Variants in NRSN1 observed in about 807,000 individuals in gnomAD.
The protein encoded by NRSN1 is neurensin 1.
Under a neutral mutation model 17.3 loss-of-function variants are expected in NRSN1, and 14 were observed. The observed-to-expected ratio is 0.81, with a 90% CI of 0.54 to 1.27. NRSN1 has a LOEUF of 1.27. Among genes scored for constraint, NRSN1 ranks in the 50% most tolerant of loss-of-function variants. The pLI is 0.00. For missense variants in NRSN1, 209 were observed against 235.9 expected (o/e 0.89, Z 0.75); for synonymous variants, 79 against 94.2 (o/e 0.84, Z 0.93).
At chr6:24,133,879 C>G (rs370532480) in intron 2 of NRSN1, among the ~76,000 whole-genome samples, 6 of 152,136 alleles carry the variant, frequency 3.9e-5, no homozygotes, top group Non-Finnish European at 8.8e-5. Flanking sequence ...CTCTGTCACC[C>G]AGGCTGGAGT....
intron 3 of NRSN1, among the ~76,000 whole-genome samples, chr6:24,136,051 C>T (rs1760115170): frequency 6.6e-6 from 1 of 152,220 alleles, no homozygotes. Context: ...CCTCAGACTA[C>T]ATGAGCTCAA....
intron 3 of NRSN1, among the ~76,000 whole-genome samples, chr6:24,143,802 G>T (rs981797478): frequency 1.1e-4 from 16 of 152,154 alleles, no homozygotes; most frequent in African/African-American, 3.9e-4. Flanking sequence ...GTATAACTTT[G>T]CCAGATACAA....
At chr6:24,144,336 T>C (rs774917223) in intron 3 of NRSN1, among the ~76,000 whole-genome samples, 4 of 152,206 alleles carry the variant, frequency 2.6e-5, no homozygotes, top group Non-Finnish European at 5.9e-5. Context: ...AGACTGTCCA[T>C]GTCCTCCAGC....
At chr6:24,137,355 A>T (rs1199517511) in intron 3 of NRSN1, among the ~76,000 whole-genome samples, 1 of 152,200 alleles carries the variant, frequency 6.6e-6, no homozygotes, top group East Asian at 1.9e-4. Flanking sequence ...TCCAACATTC[A>T]CCAGGCTCTG....
chr6:24,130,535 G>C (rs945963273), intron 2 of NRSN1, among the ~76,000 whole-genome samples: 9 of 152,054 alleles, frequency 5.9e-5, no homozygotes, highest in Non-Finnish European at 1.5e-5. Flanking sequence ...TTCTTCTCTA[G>C]GAGTGAATTC....
Position 24,146,449 on chromosome 6 carries a change from TTGACA to T in NRSN1, c.*507_*511del. On this transcript the variant is annotated 3_prime_UTR_variant, in exon 4 of 4. Coordinates refer to ENST00000378491, the MANE Select transcript of NRSN1 (RefSeq NM_080723.5). ...CGAACATGAGTTTTTAGACTGTATCTTGACATGAGGTTCCTGACATTGGATACAAA... is the reference window on the plus strand; with the variant it reads ...CGAACATGAGTTTTTAGACTGTATCTTGAGGTTCCTGACATTGGATACAAA... 2.8e-6 allele frequency: 1 copy of T among 358,640 alleles called. No individual in the cohort carries two copies. Among genetic ancestry groups the T allele is most frequent in the Non-Finnish European group, 5.6e-6 (1 of 179,110 alleles). The allele number at this position is 358,640 out of a possible 1,614,324, so 22.2% of individuals were successfully genotyped here.
intron 3 of NRSN1, among the ~76,000 whole-genome samples, chr6:24,143,006 C>T (rs1003729134): frequency 6.6e-6 from 1 of 152,168 alleles, no homozygotes; most frequent in Admixed American, 6.5e-5. Flanking sequence ...CTTAGCTAGA[C>T]ACAGAGCGCT....
intron 3 of NRSN1, among the ~76,000 whole-genome samples, chr6:24,135,835 A>G (rs182751108): frequency 2.5e-4 from 38 of 152,350 alleles, no homozygotes; most frequent in East Asian, 1.5e-3. Context: ...GGGACATTCC[A>G]ACATTTAGAA....
chr6:24,134,317 A>T lies in NRSN1; in HGVS notation c.-9-2A>T. 1 of 1,612,732 alleles carries T rather than the reference A, an allele frequency of 6.2e-7. No homozygotes were observed. The highest frequency in any genetic ancestry group is 1.1e-5 in the South Asian group (1 of 90,878). On this transcript the variant is annotated splice_acceptor_variant, in intron 2 of 3. Transcript: ENST00000378491. LOFTEE classifies it low-confidence loss of function (5UTR_SPLICE). Reference sequence around the variant, plus strand: ...TAATCCATGTGGATGTTGTCATTCCAGCTGGGAAGGATGAGTTCTTGCAGC... The same window carrying T: ...TAATCCATGTGGATGTTGTCATTCCTGCTGGGAAGGATGAGTTCTTGCAGC...
chr6:24,134,618 T>C (rs1443867588), intron 3 of NRSN1, 102 bp downstream of exon 3: 4 of 904,922 alleles, frequency 4.4e-6, no homozygotes, highest in Non-Finnish European at 6.8e-6. Flanking sequence ...TCGCTGTGTG[T>C]GCATCACTCT....
intron 3 of NRSN1, among the ~76,000 whole-genome samples, chr6:24,139,706 T>C (rs762812290): frequency 1.3e-5 from 2 of 152,208 alleles, no homozygotes; most frequent in Non-Finnish European, 2.9e-5. Flanking sequence ...GTTGAAACTG[T>C]AGCTTCCAAT....
chr6:24,132,202 A>T (rs1055616803), intron 2 of NRSN1, among the ~76,000 whole-genome samples: 1 of 152,238 alleles, frequency 6.6e-6, no homozygotes, highest in African/African-American at 2.4e-5. Context: ...CTAAGGGCAC[A>T]TATTTAAAGA....
intron 2 of NRSN1, among the ~76,000 whole-genome samples, chr6:24,131,377 T>C (rs1760025088): frequency 6.6e-6 from 1 of 152,178 alleles, no homozygotes. Context: ...GAAACATAAC[T>C]CTTACTGTTG....
intron 3 of NRSN1, among the ~76,000 whole-genome samples, chr6:24,135,806 T>C (rs1760110694): frequency 6.6e-6 from 1 of 152,064 alleles, no homozygotes; most frequent in Non-Finnish European, 1.5e-5. Context: ...AGTGTGGACA[T>C]AGAAGAGAAG....
chr6:24,138,654 G>C (rs1257675830), intron 3 of NRSN1, among the ~76,000 whole-genome samples: 1 of 152,178 alleles, frequency 6.6e-6, no homozygotes, highest in African/African-American at 2.4e-5. Context: ...AACTGTGAAA[G>C]TGACTCCGGT....
chr6:24,141,238 G>C (rs1415292322), intron 3 of NRSN1: 3 of 1,266,218 alleles, frequency 2.4e-6, no homozygotes, highest in Non-Finnish European at 3.0e-6. Context: ...TGTTAGACCT[G>C]GGACCAATTC....
At chr6:24,141,844 A>T (rs1192537733) in intron 3 of NRSN1, among the ~76,000 whole-genome samples, 1 of 152,148 alleles carries the variant, frequency 6.6e-6, no homozygotes, top group African/African-American at 2.4e-5. Flanking sequence ...CTGGAATAAG[A>T]GCTGTGGGGA....
rs747460455 is a variant in NRSN1 at position 24,134,435 on chromosome 6, C to A, written c.108C>A (p.Asp36Glu). Residue 36 changes from aspartate to glutamate, a missense_variant, in exon 3 of 4, where the codon GAC becomes GAA. By Grantham distance (45) the Asp-to-Glu change is conservative. Transcript: ENST00000378491. The part of the protein sequence containing the change: ...VRSYLHQFYE[D>E]CTASIWEYED... ...CCTACCTGCACCAGTTTTATGAGGACTGTACAGCCTCAATTTGGGAGTATG... is the reference window on the plus strand; with the variant it reads ...CCTACCTGCACCAGTTTTATGAGGAATGTACAGCCTCAATTTGGGAGTATG... 6.8e-6 allele frequency: 11 copies of A among 1,614,094 alleles called. No individual in the cohort carries two copies. Among genetic ancestry groups the A allele is most frequent in the Non-Finnish European group, 5.9e-6 (7 of 1,179,964 alleles).
rs1462562113 is a variant in NRSN1, at chr6:24,146,457, A to G, written c.*511A>G. The G allele has an allele frequency of 2.8e-6, 1 of 354,306 alleles. No homozygotes were observed. The highest frequency in any genetic ancestry group is 3.9e-5 in the Admixed American group (1 of 25,818). The allele number at this position is 354,306 out of a possible 1,614,324, so 21.9% of individuals were successfully genotyped here. On this transcript the variant is annotated 3_prime_UTR_variant, in exon 4 of 4. Transcript: ENST00000378491. ...AGTTTTTAGACTGTATCTTGACATG[A>G]GGTTCCTGACATTGGATACAAAGTT... is the stretch of plus-strand genomic sequence containing the variant.
Sources: allele counts gnomAD v4.1 joint callset (sites outside exome capture counted in the v4.1 genomes callset), GRCh38; gene constraint gnomAD v4.1.1; transcripts MANE v1.5; gene names NCBI Gene and HGNC (gene_info 2026-07-23, HGNC 2026-07-21).